Variants in KDM6A observed in about 807,000 individuals in gnomAD.
The protein encoded by KDM6A is lysine-specific demethylase 6A.
In KDM6A, 11 loss-of-function variants were observed where a neutral mutation model predicts 117.6. The observed-to-expected ratio is 0.09, with a 90% CI of 0.06 to 0.15. The LOEUF (loss-of-function observed/expected upper bound fraction) is 0.15, where lower values mean the gene tolerates loss of function less well. Ranked by LOEUF, KDM6A falls within the 10% of genes least tolerant of loss-of-function variation. KDM6A has a pLI of 1.00. For synonymous variants in KDM6A, 384 were observed against 396.1 expected (o/e 0.97, Z 0.36); for missense variants, 799 against 1,077.3 (o/e 0.74, Z 3.62).
chrX:44,989,214 A>G (rs762682681), intron 4 of KDM6A, among the ~76,000 whole-genome samples: 1 of 100,244 alleles, frequency 1.0e-5, no homozygotes, highest in East Asian at 3.1e-4. Context: ...CAGACACGGG[A>G]TATAATCTGG....
rs767664233 is a variant in KDM6A, at chrX:44,926,094, A to G, written c.226-35190A>G. 8.9e-3 allele frequency among the ~76,000 whole-genome samples: 824 copies of G among 92,696 alleles called. 8 individuals carry two copies. Among genetic ancestry groups the G allele is most frequent in the Non-Finnish European group, 0.012 (579 of 47,776 alleles). 80.5% of individuals were successfully genotyped at this position (92,696 alleles called of 115,157 possible). The stretch of plus-strand genomic sequence containing the variant: ...CTCCCTCCCTTCCTTGTTTTGCAGC[A>G]GAGTCTCACTCTGTTGCCCAGGCTG... On this transcript the variant is annotated intron_variant, in intron 2 of 29. Transcript: ENST00000611820.
chrX:45,076,366 A>G (rs1050476507), intron 18 of KDM6A, among the ~76,000 whole-genome samples: 5 of 111,603 alleles, frequency 4.5e-5, no homozygotes, highest in Non-Finnish European at 9.4e-5. Flanking sequence ...TTGATGGAAA[A>G]GAATGTGATG....
chrX:45,068,561 TAA>T (rs779354016), intron 17 of KDM6A, among the ~76,000 whole-genome samples: 3,386 of 70,455 alleles, frequency 0.048, 205 homozygotes, highest in African/African-American at 0.27. Context: ...CCTTTTTTTT[TAA>T]AAAAAAAAAA....
intron 2 of KDM6A, among the ~76,000 whole-genome samples, chrX:44,876,064 T>C (rs1215448577): frequency 9.0e-6 from 1 of 111,651 alleles, no homozygotes; most frequent in Non-Finnish European, 1.9e-5. Flanking sequence ...TTTGGGGCCT[T>C]CATGATATAT....
chrX:45,088,160 A>G (rs1477751588), intron 25 of KDM6A, among the ~76,000 whole-genome samples: 2 of 111,740 alleles, frequency 1.8e-5, no homozygotes, highest in African/African-American at 6.5e-5. Flanking sequence ...ATTTGTGTCT[A>G]TAGCCATTTT....
intron 4 of KDM6A, among the ~76,000 whole-genome samples, chrX:44,987,446 CATT>C (rs945498724): frequency 9.0e-6 from 1 of 111,245 alleles, no homozygotes; most frequent in African/African-American, 3.3e-5. Context: ...CTGATCCTGT[CATT>C]ATGATGTTAG....
chrX:45,005,476 C>T (rs1045681659), intron 4 of KDM6A, among the ~76,000 whole-genome samples: 2 of 111,670 alleles, frequency 1.8e-5, no homozygotes, highest in African/African-American at 3.3e-5. Flanking sequence ...TCTTCTGAGA[C>T]ACTCGACTTT....
chrX:45,003,333 A>G (rs773534600), intron 4 of KDM6A, among the ~76,000 whole-genome samples: 1 of 107,637 alleles, frequency 9.3e-6, no homozygotes, highest in Admixed American at 9.9e-5. Context: ...TAAGATTTAG[A>G]TCCTGTTAGG....
At chrX:45,029,952 T>TA (rs1259751270) in intron 6 of KDM6A, among the ~76,000 whole-genome samples, 1 of 111,424 alleles carries the variant, frequency 9.0e-6, no homozygotes, top group African/African-American at 3.3e-5. Context: ...AGCTGTAAGA[T>TA]AAATGGTTGC....
At chrX:45,093,374 C>CA (rs370028474) in intron 27 of KDM6A, among the ~76,000 whole-genome samples, 1,656 of 85,769 alleles carry the variant, frequency 0.019, 50 homozygotes, top group African/African-American at 0.061. Flanking sequence ...GACTCTCTCT[C>CA]AAAAAAAAAA....
At chrX:44,910,440 T>G (rs1463212019) in intron 2 of KDM6A, among the ~76,000 whole-genome samples, 7 of 110,947 alleles carry the variant, frequency 6.3e-5, no homozygotes. Flanking sequence ...CTGCCCGATT[T>G]GGCCTCATTT....
intron 6 of KDM6A, among the ~76,000 whole-genome samples, chrX:45,033,638 C>G (rs1333265957): frequency 9.0e-6 from 1 of 110,644 alleles, no homozygotes; most frequent in East Asian, 2.8e-4. Context: ...ACTGCAATCT[C>G]TGCCTCCCGG....
At chrX:44,916,846 G>A (rs2035591136) in intron 2 of KDM6A, among the ~76,000 whole-genome samples, 1 of 108,900 alleles carries the variant, frequency 9.2e-6, no homozygotes, top group South Asian at 4.0e-4. Context: ...GGGTCCCACT[G>A]TGTTGCCCAG....
chrX:45,057,279 C>T (rs754192869), intron 10 of KDM6A, among the ~76,000 whole-genome samples: 4 of 111,757 alleles, frequency 3.6e-5, no homozygotes, highest in Non-Finnish European at 5.7e-5. Flanking sequence ...AAACCATGTT[C>T]ACCATATTCT....
intron 18 of KDM6A, among the ~76,000 whole-genome samples, chrX:45,073,817 T>C: frequency 8.9e-6 from 1 of 112,120 alleles, no homozygotes; most frequent in Non-Finnish European, 1.9e-5. Flanking sequence ...TCTCCCGTTC[T>C]GTAGGTTGCC....
rs1392945538 is a variant in KDM6A, at chrX:44,873,694, C to T, written c.143C>T (p.Ala48Val). ...SPSLTAEEREALGGLDSRLFG... is the reference protein window; with the variant it reads ...SPSLTAEEREVLGGLDSRLFG... ...AGCCTGACAGCCGAGGAGAGGGAGG[C>T]GCTCGGCGGACTGGACAGGTACGGG... The change falls in exon 1 of 30, where the codon GCG (alanine) becomes GTG (valine). Residue 48 changes from alanine to valine, a missense_variant. Coordinates refer to ENST00000611820, the MANE Select transcript of KDM6A (RefSeq NM_001291415.2). The T allele has an allele frequency of 8.5e-7, 1 of 1,173,825 alleles. No homozygotes were observed. Among genetic ancestry groups the T allele is most frequent in the Non-Finnish European group, 1.1e-6 (1 of 877,073 alleles).
intron 2 of KDM6A, among the ~76,000 whole-genome samples, chrX:44,895,015 C>T (rs749304511): frequency 9.0e-6 from 1 of 110,962 alleles, no homozygotes; most frequent in South Asian, 3.7e-4. Context: ...GATCCACCCA[C>T]CTTGGCTTCC....
chrX:45,047,514 C>T, intron 8 of KDM6A, among the ~76,000 whole-genome samples: 1 of 105,812 alleles, frequency 9.5e-6, no homozygotes, highest in Admixed American at 1.0e-4. Context: ...CTATTCAATC[C>T]ATATAGTGAT....
At chrX:45,072,277 A>T (rs2044885274) in intron 18 of KDM6A, among the ~76,000 whole-genome samples, 1 of 111,247 alleles carries the variant, frequency 9.0e-6, no homozygotes, top group African/African-American at 3.3e-5. Context: ...TGATTGCTGT[A>T]ATTAATCTTA....
Sources: gnomAD v4.1 joint callset for allele counts (sites outside exome capture counted in the v4.1 genomes callset) on GRCh38, gnomAD v4.1.1 for gene constraint, MANE v1.5 for transcripts, NCBI Gene and HGNC (gene_info 2026-07-23, HGNC 2026-07-21) for gene names.